RFXANK: variants seen among roughly 807,000 people sequenced by gnomAD.
RFXANK encodes the protein regulatory factor X associated ankyrin containing protein.
Under a neutral mutation model 34.5 loss-of-function variants are expected in RFXANK, and 19 were observed. That is an observed-to-expected ratio of 0.55 (90% CI 0.38 to 0.81). The LOEUF (loss-of-function observed/expected upper bound fraction) is 0.81. Ranked by LOEUF, RFXANK falls within the 30% of genes least tolerant of loss-of-function variation. The probability of loss-of-function intolerance (pLI) is 0.00; values close to 1 mark genes in which losing one functional copy is unlikely to be tolerated. For missense variants in RFXANK, 295 were observed against 343.5 expected (o/e 0.86, Z 1.12); for synonymous variants, 154 against 149.8 (o/e 1.03, Z -0.20).
Position 19,197,558 on chromosome 19 carries a change from C to T in RFXANK, c.375C>T (p.Phe125=). Reference sequence around the variant, plus strand: ...TCAACAAGCCAGACGAGCGCGGCTTCACCCCCCTCATCTGGGCCTCCGCCT... The same window carrying T: ...TCAACAAGCCAGACGAGCGCGGCTTTACCCCCCTCATCTGGGCCTCCGCCT... ...NLVNKPDERG[F]TPLIWASAFG... Residue 125 remains phenylalanine (F), a synonymous_variant, in exon 6 of 10, where the codon TTC becomes TTT. Transcript: ENST00000303088. 6.2e-7 allele frequency: 1 copy of T among 1,613,926 alleles called. No individual in the cohort carries two copies. Among genetic ancestry groups the T allele is most frequent in the Non-Finnish European group, 8.5e-7 (1 of 1,180,020 alleles).
chr19:19,195,989 A>G (rs967054524), intron 3 of RFXANK, among the ~76,000 whole-genome samples: 7 of 148,158 alleles, frequency 4.7e-5, no homozygotes, highest in African/African-American at 1.5e-4. Flanking sequence ...TGATCCACCC[A>G]CCTCAGCCTC....
chr19:19,201,596 C>T, intron 9 of RFXANK, 53 bp from the exon 10 acceptor site: 1 of 1,612,976 alleles, frequency 6.2e-7, no homozygotes, highest in African/African-American at 1.3e-5. Context: ...CCTGTGCCTC[C>T]ACCCCACTCC....
At position 19,199,128 on chromosome 19, in the gene RFXANK, C is replaced by T. The variant is rs754568080; in HGVS notation, c.632-26C>T. The T allele has an allele frequency of 2.5e-6, 4 of 1,610,480 alleles. No homozygotes were observed. In the East Asian group the frequency reaches 8.9e-5, roughly 36 times the overall value. ...ATTCTGGACTCCCAGGCCCCACCCT[C>T]CAGCGCCCTCCCCTCTCCTTTGCAG... On this transcript the variant is annotated intron_variant, in intron 8 of 9. Coordinates refer to ENST00000303088, the MANE Select transcript of RFXANK (RefSeq NM_003721.4).
chr19:19,193,992 A>G lies in RFXANK; in HGVS notation c.46A>G (p.Thr16Ala), dbSNP rs1312378543. Residue 16 changes from threonine (T) to alanine (A), a missense_variant, in exon 3 of 10, where the codon ACC becomes GCC. By Grantham distance (58) the Thr-to-Ala change is moderately conservative. Coordinates refer to ENST00000303088, the MANE Select transcript of RFXANK (RefSeq NM_003721.4). ...AGAAGACCTCATCCAGACCCAGCAG[A>G]CCCCTGCCTCAGAACTTGGGGACCC... The part of the protein sequence containing the change: ...PAEDLIQTQQ[T>A]PASELGDPED... 1 of 1,614,112 alleles carries G rather than the reference A, an allele frequency of 6.2e-7. No individual in the cohort carries two copies. The highest frequency in any genetic ancestry group is 8.5e-7 in the Non-Finnish European group (1 of 1,180,034).
In RFXANK at chr19:19,197,007, C is replaced by T. The variant is rs779699696; in HGVS notation, c.232C>T (p.Arg78Ter). ...KHSTTLTNRQ[R>*]GNEVSALPAT... Reference sequence around the variant, plus strand: ...CTCCACCACTCTCACCAACCGGCAGCGAGGGAACGAGGTGTCAGCTCTGCC... The same window carrying T: ...CTCCACCACTCTCACCAACCGGCAGTGAGGGAACGAGGTGTCAGCTCTGCC... The change falls in exon 4 of 10, where the codon CGA becomes TGA. Residue 78 changes from arginine (R) to a stop codon, truncating the protein, a stop_gained. Coordinates refer to ENST00000303088, the MANE Select transcript of RFXANK (RefSeq NM_003721.4). LOFTEE classifies it high-confidence loss of function. The T allele has an allele frequency of 8.7e-6, 14 of 1,613,278 alleles. No homozygotes were observed. Among genetic ancestry groups the T allele is most frequent in the Non-Finnish European group, 1.2e-5 (14 of 1,180,026 alleles).
chr19:19,192,592 T>G (rs1432826086), intron 1 of RFXANK, 38 bp downstream of exon 1: 2 of 162,516 alleles, frequency 1.2e-5, no homozygotes. Context: ...CCCCGCGTAC[T>G]TCCCCTACTT....
In RFXANK at chr19:19,193,486, T is replaced by TCTG. The variant is rs554854470; in HGVS notation, c.-9+389_-9+391dup. Among the ~76,000 whole-genome samples, 479 of 146,388 alleles carry TCTG rather than the reference T, an allele frequency of 3.3e-3. 1 individual carries two copies. The highest frequency in any genetic ancestry group is 0.011 in the African/African-American group (451 of 39,894). ...CCAGCTACAGTGCAGTGGTGCGATCTCTGCTCACCGCAACCTCCACCTCCC... is the reference window on the plus strand; with the variant it reads ...CCAGCTACAGTGCAGTGGTGCGATCTCTGCTGCTCACCGCAACCTCCACCTCCC... On this transcript the variant is annotated intron_variant, in intron 2 of 9. Transcript: ENST00000303088.
rs1272966640 is a variant in RFXANK, at chr19:19,198,753, G to A, written c.631+30G>A. 4.3e-6 allele frequency: 7 copies of A among 1,610,404 alleles called. No individual in the cohort carries two copies. The African/African-American group carries it at 6.7e-5, about 15-fold the overall frequency. On this transcript the variant is annotated intron_variant, in intron 8 of 9. Coordinates refer to ENST00000303088, the MANE Select transcript of RFXANK (RefSeq NM_003721.4). The stretch of plus-strand genomic sequence containing the variant: ...GTGGGAGTCGGGAGTGGCCCTGGGG[G>A]CCCCAGCACTCCAGCGGGCCCTGCG...
intron 4 of RFXANK, 62 bp from the exon 5 acceptor site, chr19:19,197,124 G>A (rs958713996): frequency 8.7e-6 from 14 of 1,612,008 alleles, no homozygotes; most frequent in Non-Finnish European, 1.2e-5. Context: ...GTGGACAGAG[G>A]GTAAACTGAG....
chr19:19,195,193 G>C (rs965845263), intron 3 of RFXANK, among the ~76,000 whole-genome samples: 1 of 147,290 alleles, frequency 6.8e-6, no homozygotes, highest in Non-Finnish European at 1.5e-5. Context: ...CGAGTAGCTG[G>C]GACTACAGTC....
intron 5 of RFXANK, 130 bp from the exon 6 acceptor site, chr19:19,197,391 A>T: frequency 8.3e-7 from 1 of 1,208,612 alleles, no homozygotes; most frequent in South Asian, 1.3e-5. Context: ...GTGTTCATGT[A>T]TGTCCATCAA....
intron 5 of RFXANK, 117 bp downstream of exon 5, chr19:19,197,368 T>G: frequency 8.0e-7 from 1 of 1,248,932 alleles, no homozygotes. Context: ...TGTATCTAAC[T>G]GTGTGTGTGA....
intron 9 of RFXANK, chr19:19,200,868 G>A (rs1213422604): frequency 2.8e-5 from 4 of 145,048 alleles, no homozygotes; most frequent in Admixed American, 7.5e-5. Flanking sequence ...GCGTGATCTC[G>A]GCTCACTGCA....
At chr19:19,198,836 A>C (rs1220016689) in intron 8 of RFXANK, 113 bp downstream of exon 8, 3 of 1,064,774 alleles carry the variant, frequency 2.8e-6, no homozygotes, top group Admixed American at 3.5e-5. Flanking sequence ...TGGAGCAGGT[A>C]GTCCCTGCCT....
chr19:19,193,354 A>AAAT (rs2060525227), intron 2 of RFXANK, among the ~76,000 whole-genome samples: 1 of 151,578 alleles, frequency 6.6e-6, no homozygotes, highest in Middle Eastern at 3.2e-3. Context: ...CACGGCCTAT[A>AAAT]AATTGAGGGA....
chr19:19,200,125 G>C (rs2060678879), intron 9 of RFXANK, among the ~76,000 whole-genome samples: 1 of 151,254 alleles, frequency 6.6e-6, no homozygotes, highest in South Asian at 2.1e-4. Context: ...CTCCCGAGTA[G>C]CTGGGACCAC....
chr19:19,193,923 C>T lies in RFXANK; in HGVS notation c.-8-16C>T, dbSNP rs1287127927. 4 of 1,613,718 alleles carry T rather than the reference C, an allele frequency of 2.5e-6. No individual in the cohort carries two copies. The highest frequency in any genetic ancestry group is 1.7e-6 in the Non-Finnish European group (2 of 1,179,792). On this transcript the variant is annotated splice_polypyrimidine_tract_variant and intron_variant, in intron 2 of 9. Transcript: ENST00000303088. Reference sequence around the variant, plus strand: ...GATAATTATTGTCATCTCTCCCCTTCTGACACCTCCGCCAGCTTTCCCCAT... The same window carrying T: ...GATAATTATTGTCATCTCTCCCCTTTTGACACCTCCGCCAGCTTTCCCCAT...
rs771493023 is a variant in RFXANK, at chr19:19,201,740, A to T, written c.*21A>T. On this transcript the variant is annotated 3_prime_UTR_variant, in exon 10 of 10. Coordinates refer to ENST00000303088, the MANE Select transcript of RFXANK (RefSeq NM_003721.4). ...AGTGAAGGCCGCCTGCCGGGGACTC[A>T]GACACTCAGGGAACAAAATGGTCAG... 1 of 1,613,682 alleles carries T rather than the reference A, an allele frequency of 6.2e-7. No homozygotes were observed.
intron 3 of RFXANK, among the ~76,000 whole-genome samples, chr19:19,194,390 G>C (rs2146465030): frequency 6.6e-6 from 1 of 152,206 alleles, no homozygotes; most frequent in South Asian, 2.1e-4. Context: ...CCGCCACTAC[G>C]CCCAGCTAAT....
Sources: gnomAD v4.1 joint callset for allele counts (sites outside exome capture counted in the v4.1 genomes callset) on GRCh38, gnomAD v4.1.1 for gene constraint, MANE v1.5 for transcripts, NCBI Gene and HGNC (gene_info 2026-07-23, HGNC 2026-07-21) for gene names.